Variants in CMYA5 observed in about 807,000 individuals in gnomAD.
The protein encoded by CMYA5 is cardiomyopathy-associated protein 5.
In CMYA5, 246 loss-of-function variants were observed where a neutral mutation model predicts 318.9. The ratio of observed to expected loss-of-function variants is 0.77; its 90% CI spans 0.70 to 0.86. The LOEUF (loss-of-function observed/expected upper bound fraction) is 0.86, where lower values mean the gene tolerates loss of function less well. Ranked by LOEUF, CMYA5 falls within the 40% of genes least tolerant of loss-of-function variation. The probability of loss-of-function intolerance (pLI) is 0.00; values close to 1 mark genes in which losing one functional copy is unlikely to be tolerated. For missense variants in CMYA5, 4,589 were observed against 4,678.2 expected, an observed-to-expected ratio of 0.98 and a Z score of 0.56; for synonymous variants, 1,641 against 1,729.5, an observed-to-expected ratio of 0.95 and a Z score of 1.27.
intron 5 of CMYA5, among the ~76,000 whole-genome samples, chr5:79,752,038 T>C (rs993610302): frequency 1.3e-5 from 2 of 152,244 alleles, no homozygotes; most frequent in African/African-American, 2.4e-5. Context: ...ATACTTAGAC[T>C]TAGCATCAGT....
intron 1 of CMYA5, among the ~76,000 whole-genome samples, chr5:79,698,691 G>A (rs2151074990): frequency 6.6e-6 from 1 of 152,256 alleles, no homozygotes; most frequent in South Asian, 2.1e-4. Flanking sequence ...TGTCTTCCGT[G>A]GTCACATCAT....
At chr5:79,746,067 C>T (rs1002128237) in intron 4 of CMYA5, among the ~76,000 whole-genome samples, 3 of 152,184 alleles carry the variant, frequency 2.0e-5, no homozygotes, top group Non-Finnish European at 2.9e-5. Context: ...AGCAGAGACA[C>T]CTCTGTGCTC....
intron 7 of CMYA5, among the ~76,000 whole-genome samples, chr5:79,760,019 A>G (rs1828617013): frequency 6.6e-6 from 1 of 152,184 alleles, no homozygotes; most frequent in South Asian, 2.1e-4. Context: ...CAACTTGTAC[A>G]TGACCGGGGG....
chr5:79,737,256 G>T lies in CMYA5; in HGVS notation c.8491G>T (p.Val2831Leu), dbSNP rs968142200. 6 of 1,613,728 alleles carry T rather than the reference G, an allele frequency of 3.7e-6. No homozygotes were observed. Among genetic ancestry groups the T allele is most frequent in the Non-Finnish European group, 5.1e-6 (6 of 1,179,808 alleles). The stretch of plus-strand genomic sequence containing the variant: ...AGGAGCTTCTCCAGAAATTAACGCA[G>T]TGAAGAAAAAAGAAATGCCACGATC... ...ASGASPEINA[V>L]KKKEMPRSEL... The change falls in exon 2 of 13, where the codon GTG becomes TTG. Residue 2831 changes from valine (V) to leucine (L), a missense_variant. By Grantham distance (32) the Val-to-Leu change is conservative. This residue lies in a region of CMYA5 where 2,431 missense variants were observed against 2,495.1 expected (regional missense o/e 0.97). Coordinates refer to ENST00000446378, the MANE Select transcript of CMYA5 (RefSeq NM_153610.5).
rs1367994919 is a variant in CMYA5, at chr5:79,729,476, A to G, written c.711A>G (p.Glu237=). The G allele has an allele frequency of 3.1e-6, 5 of 1,607,680 alleles. No individual in the cohort carries two copies. The highest frequency in any genetic ancestry group is 4.3e-6 in the Non-Finnish European group (5 of 1,174,956). ...TTAAGATGTTTAATTCGGTTAAAGA[A>G]GAATTAATTCCTCTACAATTTTATG... ...YKIKMFNSVK[E]ELIPLQFYGT... is the part of the protein sequence containing the mutation. The change falls in exon 2 of 13, where the codon GAA becomes GAG. Residue 237 remains glutamate (E), a synonymous_variant. Coordinates refer to ENST00000446378, the MANE Select transcript of CMYA5 (RefSeq NM_153610.5).
intron 5 of CMYA5, among the ~76,000 whole-genome samples, chr5:79,750,511 G>T (rs1248793185): frequency 1.5e-5 from 2 of 137,412 alleles, no homozygotes; most frequent in Non-Finnish European, 3.3e-5. Context: ...ACCCCATCTT[G>T]CTCAAGAGTC....
intron 12 of CMYA5, 74 bp from the exon 13 acceptor site, chr5:79,799,296 T>A (rs3749682): frequency 0.14 from 205,954 of 1,467,310 alleles, 15,149 homozygotes; most frequent in Middle Eastern, 0.16. Flanking sequence ...GAATTGGTTA[T>A]TCCCAAGTGA....
chr5:79,754,368 GT>G (rs1828487979), intron 6 of CMYA5, among the ~76,000 whole-genome samples: 1 of 152,312 alleles, frequency 6.6e-6, no homozygotes, highest in Middle Eastern at 3.4e-3. Flanking sequence ...GGCTGGCATT[GT>G]GGAAACCGTT....
chr5:79,776,453 TA>T (rs1828940053), intron 9 of CMYA5, among the ~76,000 whole-genome samples: 1 of 152,230 alleles, frequency 6.6e-6, no homozygotes, highest in Non-Finnish European at 1.5e-5. Context: ...GTTGGTTTTT[TA>T]TATTTAATGT....
chr5:79,769,941 G>A (rs1828823195), intron 9 of CMYA5, among the ~76,000 whole-genome samples: 1 of 152,204 alleles, frequency 6.6e-6, no homozygotes, highest in African/African-American at 2.4e-5. Flanking sequence ...CAGGTAGATG[G>A]GAGTTTTATC....
intron 12 of CMYA5, 95 bp downstream of exon 12, chr5:79,793,705 C>T (rs2287672): frequency 0.27 from 300,106 of 1,109,346 alleles, 43,079 homozygotes; most frequent in Non-Finnish European, 0.3. Flanking sequence ...GCACCCACTT[C>T]CATGCTCAAC....
intron 1 of CMYA5, 109 bp from the exon 2 acceptor site, chr5:79,728,806 A>G (rs1212485860): frequency 2.4e-5 from 12 of 499,852 alleles, no homozygotes; most frequent in African/African-American, 2.3e-4. Flanking sequence ...TGATGTCTGT[A>G]TTTTAATTTC....
At chr5:79,694,121 T>C (rs758796931) in intron 1 of CMYA5, among the ~76,000 whole-genome samples, 6 of 152,112 alleles carry the variant, frequency 3.9e-5, no homozygotes, top group Non-Finnish European at 5.9e-5. Context: ...AGCTAAGAGA[T>C]AGTTGGGTTG....
In CMYA5 at chr5:79,726,909, A is replaced by ATTTTTTTTTTT. The variant is rs34198193; in HGVS notation, c.150-1993_150-1983dup. Among the ~76,000 whole-genome samples, 391 of 96,006 alleles carry ATTTTTTTTTTT rather than the reference A, an allele frequency of 4.1e-3. 34 individuals carry two copies. Among genetic ancestry groups the ATTTTTTTTTTT allele is most frequent in the East Asian group, 0.025 (62 of 2,476 alleles). The allele number at this position is 96,006 out of a possible 152,430, so 63.0% of individuals were successfully genotyped here. On this transcript the variant is annotated intron_variant, in intron 1 of 12. Transcript: ENST00000446378. ...AGAGCTAGGATTGTTTAGGCCAGTGATTTTTTTTTTTTTTTTTTTTTTTGA... is the reference window on the plus strand; with the variant it reads ...AGAGCTAGGATTGTTTAGGCCAGTGATTTTTTTTTTTTTTTTTTTTTTTTTTTTTTTTTTGA...
intron 1 of CMYA5, among the ~76,000 whole-genome samples, chr5:79,712,386 G>A (rs1827411712): frequency 6.6e-6 from 1 of 151,898 alleles, no homozygotes; most frequent in Non-Finnish European, 1.5e-5. Context: ...GGTAATTTTT[G>A]TATTTTTGTA....
chr5:79,745,387 A>G lies in CMYA5; in HGVS notation c.10900A>G (p.Thr3634Ala), dbSNP rs1413077601. The change falls in exon 4 of 13, where the codon ACT becomes GCT. Residue 3634 changes from threonine to alanine, a missense_variant. Around this residue, in one of 3 missense-constraint regions of CMYA5, gnomAD observed 2,431 missense variants for 2,495.1 expected, o/e 0.97. Coordinates refer to ENST00000446378, the MANE Select transcript of CMYA5 (RefSeq NM_153610.5). ...QMVHFLQSMD[T>A]AKDTLETIVR... Reference sequence around the variant, plus strand: ...GGTCCACTTTCTGCAGAGCATGGACACTGCCAAAGACACCCTGGAGACCAT... The same window carrying G: ...GGTCCACTTTCTGCAGAGCATGGACGCTGCCAAAGACACCCTGGAGACCAT... 1 of 1,614,002 alleles carries G rather than the reference A, an allele frequency of 6.2e-7. No individual in the cohort carries two copies. The highest frequency in any genetic ancestry group is 8.5e-7 in the Non-Finnish European group (1 of 1,179,864).
intron 1 of CMYA5, among the ~76,000 whole-genome samples, chr5:79,726,251 TTATAA>T (rs1827745699): frequency 6.6e-6 from 1 of 152,198 alleles, no homozygotes; most frequent in South Asian, 2.1e-4. Flanking sequence ...TAAATTGAAC[TTATAA>T]TTGAATTTTA....
In CMYA5 at chr5:79,744,213, C is replaced by G. The variant is rs149282633; in HGVS notation, c.10734+291C>G. Among the ~76,000 whole-genome samples, 982 of 152,298 alleles carry G rather than the reference C, an allele frequency of 6.4e-3. 10 individuals carry two copies. Among genetic ancestry groups the G allele is most frequent in the African/African-American group, 0.023 (940 of 41,552 alleles). ...CATGCTTTACCTGACTGAATCCTCA[C>G]AATTATATGAGATAGGTGTTATTAT... On this transcript the variant is annotated intron_variant, in intron 3 of 12. Transcript: ENST00000446378.
intron 1 of CMYA5, among the ~76,000 whole-genome samples, chr5:79,693,356 T>C (rs2151073620): frequency 7.7e-6 from 1 of 130,060 alleles, no homozygotes; most frequent in South Asian, 2.3e-4. Context: ...TTTTTTTTTC[T>C]TGAGGTAGGA....
Sources: allele counts gnomAD v4.1 joint callset (sites outside exome capture counted in the v4.1 genomes callset), GRCh38; gene constraint gnomAD v4.1.1; regional missense constraint gnomAD v4.1.1; transcripts MANE v1.5; gene names NCBI Gene and HGNC (gene_info 2026-07-23, HGNC 2026-07-21).